SOD2: variants seen among roughly 807,000 people sequenced by gnomAD.
SOD2 encodes superoxide dismutase 2.
A neutral mutation model predicts 27.0 loss-of-function variants in SOD2; 11 were observed. The ratio of observed to expected loss-of-function variants is 0.41; its 90% CI spans 0.26 to 0.67. The LOEUF (loss-of-function observed/expected upper bound fraction) is 0.67. Among genes scored for constraint, SOD2 ranks in the 30% least tolerant of loss-of-function variants. The probability of loss-of-function intolerance (pLI) is 0.34; values close to 1 mark genes in which losing one functional copy is unlikely to be tolerated. For synonymous variants in SOD2, 105 were observed against 103.0 expected (o/e 1.02, Z -0.12); for missense variants, 250 against 274.5 (o/e 0.91, Z 0.63).
chr6:159,730,919 C>T (rs1778526425), upstream of SOD2: 1 of 152,010 alleles, frequency 6.6e-6, no homozygotes, highest in Non-Finnish European at 1.5e-5. Flanking sequence ...AAGCCAATGT[C>T]AGGAGTTGGA....
rs1779835574 is a variant in SOD2, at chr6:159,678,779, T to TCC, written c.*3712_*3713dup. 1.3e-5 allele frequency: 2 copies of TCC among 152,178 alleles called. No individual in the cohort carries two copies. The highest frequency in any genetic ancestry group is 2.9e-5 in the Non-Finnish European group (2 of 68,030). 9.4% of individuals were successfully genotyped at this position (152,178 alleles called of 1,614,324 possible). The stretch of plus-strand genomic sequence containing the variant: ...GGGGGCAGTCTTGTGGGCTGAGCCC[T>TCC]CCACCTGTGGGATCTGACTCCAATT... On this transcript the variant is annotated 3_prime_UTR_variant, in exon 5 of 5. Transcript: ENST00000538183.
chr6:159,736,422 TATAACAATA>T, intron 1 of SOD2: 2 of 758,998 alleles, frequency 2.6e-6, no homozygotes, highest in East Asian at 5.0e-5. Flanking sequence ...TCTTTGCCTT[TATAACAATA>T]ATAGCATTGG....
chr6:159,707,004 G>A (rs1289948907), intron 1 of SOD2, among the ~76,000 whole-genome samples: 2 of 152,112 alleles, frequency 1.3e-5, no homozygotes, highest in Non-Finnish European at 2.9e-5. Flanking sequence ...TGAACAACCT[G>A]CTCCTGAATG....
At chr6:159,741,360 A>G (rs987412823) in intron 1 of SOD2, among the ~76,000 whole-genome samples, 3 of 152,236 alleles carry the variant, frequency 2.0e-5, no homozygotes, top group African/African-American at 7.2e-5. Flanking sequence ...CTGTGTTTAC[A>G]GGCAGAAATT....
upstream of SOD2, among the ~76,000 whole-genome samples, chr6:159,731,306 A>G (rs187470310): frequency 5.2e-4 from 78 of 151,278 alleles, 1 homozygote; most frequent in African/African-American, 1.8e-3. Flanking sequence ...ACTACCAAGA[A>G]AAAAAAAACA....
In SOD2 at chr6:159,678,643, C is replaced by G. The variant is rs776965977; in HGVS notation, c.*3850G>C. The G allele has an allele frequency of 1.3e-5, 2 of 152,154 alleles. No homozygotes were observed. Among genetic ancestry groups the G allele is most frequent in the African/African-American group, 2.4e-5 (1 of 41,436 alleles). The allele number at this position is 152,154 out of a possible 1,614,324, so 9.4% of individuals were successfully genotyped here. On this transcript the variant is annotated 3_prime_UTR_variant, in exon 5 of 5. Coordinates refer to ENST00000538183, the MANE Select transcript of SOD2 (RefSeq NM_000636.4). Reference sequence around the variant, plus strand: ...GGGTAAACATAAGTAGAGTGTTTCTCTGTGTTCTGGGAGCTGCTCTAGCAA... The same window carrying G: ...GGGTAAACATAAGTAGAGTGTTTCTGTGTGTTCTGGGAGCTGCTCTAGCAA...
rs1361363394 is a variant in SOD2, at chr6:159,674,014, T to G, written c.*8479A>C. On this transcript the variant is annotated 3_prime_UTR_variant, in exon 5 of 5. Coordinates refer to ENST00000538183, the MANE Select transcript of SOD2 (RefSeq NM_000636.4). ...AATCTAGAAGAAATAGATAAATTCC[T>G]GGACACATACACCCTCTCAAAACTA... 6 of 152,182 alleles carry G rather than the reference T, an allele frequency of 3.9e-5. No homozygotes were observed. The highest frequency in any genetic ancestry group is 1.5e-5 in the Non-Finnish European group (1 of 68,038). The allele number at this position is 152,182 out of a possible 1,614,324, so 9.4% of individuals were successfully genotyped here.
In SOD2 at chr6:159,756,380, G is replaced by A. The variant is rs150657990; in HGVS notation, c.-336+4657C>T. On this transcript the variant is annotated intron_variant, in intron 1 of 7. Coordinates refer to the SOD2 transcript ENST00000546087. ...CATTTGTCATTTTCATTGAGTCATT[G>A]AATTTCTACTCATTATCCTTCAAGT... The A allele has an allele frequency of 2.4e-4, 36 of 152,498 alleles. No homozygotes were observed. In the East Asian group the frequency reaches 6.0e-3, roughly 25 times the overall value. 9.4% of individuals were successfully genotyped at this position (152,498 alleles called of 1,614,324 possible). A position where few individuals can be genotyped will look rare whatever the true frequency, so the allele number is the denominator to read the frequency against.
chr6:159,737,642 C>CA lies in SOD2; in HGVS notation c.-116+7487dup, dbSNP rs1174675144. ...AAAGTAGCTCAGACTACAGGTGTGC[C>CA]ACTACGCCTGGCTAATTTTTGTATT... is the stretch of plus-strand genomic sequence containing the variant. On this transcript the variant is annotated intron_variant, in intron 1 of 3. Transcript: ENST00000537657. Among the ~76,000 whole-genome samples, 3 of 151,912 alleles carry CA rather than the reference C, an allele frequency of 2.0e-5. No homozygotes were observed. The East Asian group carries it at 5.8e-4, about 29-fold the overall frequency.
At position 159,693,220 on chromosome 6, in the gene SOD2, C is replaced by G; in HGVS notation, c.-53G>C. ...GCCGCCGATCTGCTGAAGCCGCTGC[C>G]GAAGCCACCACAGCCACGAGTGCCG... is the stretch of plus-strand genomic sequence containing the variant. On this transcript the variant is annotated 5_prime_UTR_variant, in exon 1 of 5. Coordinates refer to ENST00000538183, the MANE Select transcript of SOD2 (RefSeq NM_000636.4). The G allele has an allele frequency of 1.3e-6, 2 of 1,489,426 alleles. No individual in the cohort carries two copies. The highest frequency in any genetic ancestry group is 1.8e-6 in the Non-Finnish European group (2 of 1,109,196). 92.3% of individuals were successfully genotyped at this position (1,489,426 alleles called of 1,614,324 possible).
intron 3 of SOD2, among the ~76,000 whole-genome samples, chr6:159,687,057 A>G (rs1440498863): frequency 6.6e-6 from 1 of 152,270 alleles, no homozygotes; most frequent in African/African-American, 2.4e-5. Flanking sequence ...CAGTTAGGAA[A>G]GAGTGAAAAA....
intron 1 of SOD2, among the ~76,000 whole-genome samples, chr6:159,710,270 CATAT>C (rs141490345): frequency 1.5e-4 from 22 of 143,478 alleles, no homozygotes; most frequent in Admixed American, 2.8e-4. Context: ...AGTATAAATA[CATAT>C]ATATATATAT....
At chr6:159,736,124 GTTTA>G in intron 1 of SOD2, 1 of 919,070 alleles carries the variant, frequency 1.1e-6, no homozygotes, top group African/African-American at 1.7e-5. Flanking sequence ...TTTTAAAATT[GTTTA>G]TTTAAATTCT....
Position 159,685,038 on chromosome 6 carries a change from T to TAA in SOD2, c.344-7_344-6dup. ...TGATGGCTTCCAGCAACTCCCCTAT[T>TAA]AAAAAAAAAATCCAAAACCACCCAC... is the stretch of plus-strand genomic sequence containing the variant. On this transcript the variant is annotated splice_polypyrimidine_tract_variant and splice_region_variant and intron_variant, in intron 3 of 4. Coordinates refer to ENST00000538183, the MANE Select transcript of SOD2 (RefSeq NM_000636.4). 4.3e-6 allele frequency: 6 copies of TAA among 1,403,918 alleles called. No individual in the cohort carries two copies. Among genetic ancestry groups the TAA allele is most frequent in the Admixed American group, 2.2e-5 (1 of 45,190 alleles). 87.0% of individuals were successfully genotyped at this position (1,403,918 alleles called of 1,614,324 possible).
At chr6:159,758,483 G>T (rs1780060049) in intron 1 of SOD2, among the ~76,000 whole-genome samples, 1 of 152,170 alleles carries the variant, frequency 6.6e-6, no homozygotes, top group African/African-American at 2.4e-5. Flanking sequence ...ACAATGTAAA[G>T]CCATTCCTTC....
At chr6:159,761,879 C>CGCGCCCCGCGCCCG (rs1403632311) in exon 1 of SOD2, 1 of 296,632 alleles carries the variant, frequency 3.4e-6, no homozygotes, top group Non-Finnish European at 5.9e-6. Flanking sequence ...CCCCGCGCCC[C>CGCGCCCCGCGCCCG]GCGCCCCGCG....
intron 1 of SOD2, chr6:159,713,084 A>G: frequency 1.4e-6 from 1 of 705,746 alleles, no homozygotes; most frequent in South Asian, 2.2e-5. Flanking sequence ...AATAGAAATT[A>G]TAACATTCTT....
chr6:159,727,415 G>A (rs559838648), upstream of SOD2: 33 of 1,197,622 alleles, frequency 2.8e-5, no homozygotes, highest in Non-Finnish European at 3.5e-5. Flanking sequence ...CAGTGGCGCT[G>A]GCCTGCGGCG....
chr6:159,709,038 G>A (rs1166849062), intron 1 of SOD2, among the ~76,000 whole-genome samples: 4 of 152,272 alleles, frequency 2.6e-5, no homozygotes, highest in African/African-American at 9.6e-5. Flanking sequence ...TTTAATAAAT[G>A]GTGCTGGGAA....
Sources: allele counts gnomAD v4.1 joint callset (sites outside exome capture counted in the v4.1 genomes callset), GRCh38; gene constraint gnomAD v4.1.1; transcripts MANE v1.5; gene names NCBI Gene and HGNC (gene_info 2026-07-23, HGNC 2026-07-21).